Variants in HIVEP1 observed in about 807,000 individuals in gnomAD.
The protein encoded by HIVEP1 is zinc finger protein 40.
HIVEP1 carries 36 observed loss-of-function variants against 180.0 expected under a neutral mutation model. The observed-to-expected ratio is 0.20, with a 90% CI of 0.15 to 0.26. The LOEUF is 0.26. Ranked by LOEUF, HIVEP1 falls within the 10% of genes least tolerant of loss-of-function variation. HIVEP1 has a pLI of 1.00. For missense variants in HIVEP1, 3,143 were observed against 3,268.7 expected, an observed-to-expected ratio of 0.96 and a Z score of 0.94; for synonymous variants, 1,239 against 1,239.0, an observed-to-expected ratio of 1.00 and a Z score of 0.00.
the HIVEP1 span, among the ~76,000 whole-genome samples, chr6:12,201,599 G>A: frequency 1.3e-5 from 2 of 152,108 alleles, no homozygotes; most frequent in Non-Finnish European, 2.9e-5. Context: ...TTACAATTTC[G>A]GCTTTCACCA....
Position 12,052,966 on chromosome 6 carries a change from C to T in HIVEP1, c.41-36218C>T, listed in dbSNP as rs193153245. ...CAGAAAGTAATTTCTTGGGGTTGGG[C>T]GGGGATTCTCATCACAGTTTTTAAA... On this transcript the variant is annotated intron_variant, in intron 2 of 8. Coordinates refer to ENST00000379388, the MANE Select transcript of HIVEP1 (RefSeq NM_002114.4). Among the ~76,000 whole-genome samples, 128 of 152,114 alleles carry T rather than the reference C, an allele frequency of 8.4e-4. 1 individual carries two copies. The highest frequency in any genetic ancestry group is 1.9e-3 in the East Asian group (10 of 5,180).
chr6:12,016,598 C>A (rs1767766284), intron 2 of HIVEP1, among the ~76,000 whole-genome samples: 1 of 152,112 alleles, frequency 6.6e-6, no homozygotes, highest in African/African-American at 2.4e-5. Context: ...AATTTTATGG[C>A]CTCCGTGAAT....
the HIVEP1 span, among the ~76,000 whole-genome samples, chr6:12,205,363 T>C: frequency 8.6e-5 from 13 of 151,576 alleles, no homozygotes; most frequent in Non-Finnish European, 1.3e-4. Flanking sequence ...CCCAGCTACT[T>C]GGGAGGCTGA....
intron 7 of HIVEP1, among the ~76,000 whole-genome samples, chr6:12,159,248 C>T (rs1253220885): frequency 1.3e-5 from 2 of 151,934 alleles, no homozygotes; most frequent in Middle Eastern, 3.2e-3. Context: ...GTGTGTTTAA[C>T]GTAAACAGGT....
upstream of HIVEP1, among the ~76,000 whole-genome samples, chr6:12,011,627 C>T (rs2113541123): frequency 1.3e-5 from 2 of 148,778 alleles, no homozygotes; most frequent in African/African-American, 4.9e-5. Flanking sequence ...GTCCCTGCGG[C>T]GGCTCGGCCG....
chr6:12,123,126 A>G lies in HIVEP1; in HGVS notation c.3331A>G (p.Ile1111Val), dbSNP rs796317105. ...EQTMDPKLST[I>V]MEQQISSAAQ... Reference sequence around the variant, plus strand: ...GACCATGGATCCCAAGCTGTCGACCATCATGGAACAACAGATAAGTTCAGC... The same window carrying G: ...GACCATGGATCCCAAGCTGTCGACCGTCATGGAACAACAGATAAGTTCAGC... Residue 1111 changes from isoleucine to valine, a missense_variant, in exon 4 of 9, where the codon ATC (isoleucine) becomes GTC (valine). Ile to Val is a conservative substitution (Grantham distance 29). This residue lies in a region of HIVEP1 where 1,357 missense variants were observed against 1,260.5 expected (regional missense o/e 1.08). Coordinates refer to ENST00000379388, the MANE Select transcript of HIVEP1 (RefSeq NM_002114.4). 2 of 1,614,186 alleles carry G rather than the reference A, an allele frequency of 1.2e-6. No homozygotes were observed. The highest frequency in any genetic ancestry group is 1.1e-5 in the South Asian group (1 of 91,080).
At chr6:12,118,178 A>G (rs921171450) in intron 3 of HIVEP1, among the ~76,000 whole-genome samples, 1 of 151,378 alleles carries the variant, frequency 6.6e-6, no homozygotes, top group Non-Finnish European at 1.5e-5. Flanking sequence ...TATATCTTTA[A>G]TGGAATAGTA....
At chr6:12,154,272 C>G (rs1393767724) in intron 7 of HIVEP1, among the ~76,000 whole-genome samples, 1 of 152,220 alleles carries the variant, frequency 6.6e-6, no homozygotes, top group Non-Finnish European at 1.5e-5. Context: ...TATAAATAAA[C>G]TAGTTTCAGA....
chr6:12,018,034 A>G (rs1274850656), intron 2 of HIVEP1, among the ~76,000 whole-genome samples: 1 of 152,232 alleles, frequency 6.6e-6, no homozygotes, highest in East Asian at 1.9e-4. Context: ...GTGCTTAGGC[A>G]TGGCGGGCTG....
chr6:12,095,415 A>C (rs1773726310), intron 3 of HIVEP1, among the ~76,000 whole-genome samples: 1 of 151,836 alleles, frequency 6.6e-6, no homozygotes. Context: ...TGTATCATAC[A>C]CAATTTTATA....
chr6:12,120,607 A>C lies in HIVEP1; in HGVS notation c.812A>C (p.Lys271Thr). The C allele has an allele frequency of 1.9e-6, 3 of 1,614,054 alleles. No homozygotes were observed. Among genetic ancestry groups the C allele is most frequent in the South Asian group, 2.2e-5 (2 of 91,086 alleles). The part of the protein sequence containing the change: ...SYTVHMSAAQ[K>T]NEQGAMQSAS... The stretch of plus-strand genomic sequence containing the variant: ...ACAGTCCATATGTCTGCTGCTCAGA[A>C]GAATGAGCAAGGGGCAATGCAGTCA... Residue 271 changes from lysine (K) to threonine (T), a missense_variant, in exon 4 of 9, where the codon AAG becomes ACG. This residue lies in a region of HIVEP1 where 306 missense variants were observed against 310.6 expected (regional missense o/e 0.99). Transcript: ENST00000379388.
intron 3 of HIVEP1, among the ~76,000 whole-genome samples, chr6:12,109,104 C>G (rs370286553): frequency 1.3e-5 from 2 of 152,200 alleles, no homozygotes; most frequent in African/African-American, 2.4e-5. Flanking sequence ...CTCAGCCTCC[C>G]GAGTACCTGG....
At chr6:12,011,591 G>T (rs1229967775), upstream of HIVEP1, among the ~76,000 whole-genome samples, 2 of 144,968 alleles carry the variant, frequency 1.4e-5, no homozygotes, top group South Asian at 2.2e-4. Flanking sequence ...GGGCTGCGCT[G>T]CCACCTCCTC....
the HIVEP1 span, among the ~76,000 whole-genome samples, chr6:12,196,954 A>T: frequency 6.6e-6 from 1 of 152,226 alleles, no homozygotes; most frequent in Non-Finnish European, 1.5e-5. Context: ...GGAATAAAAA[A>T]TGTATAAAGA....
chr6:12,051,150 A>G (rs1314373791), intron 2 of HIVEP1, among the ~76,000 whole-genome samples: 1 of 151,276 alleles, frequency 6.6e-6, no homozygotes, highest in Non-Finnish European at 1.5e-5. Context: ...AGAATTACTT[A>G]CTTGCTTTGA....
chr6:12,015,739 G>T (rs1298044931), intron 2 of HIVEP1, 71 bp downstream of exon 2: 1 of 1,408,562 alleles, frequency 7.1e-7, no homozygotes, highest in African/African-American at 1.4e-5. Flanking sequence ...TTGGTGACAG[G>T]AATGGCCGTT....
chr6:12,073,545 C>T (rs923111336), intron 2 of HIVEP1, among the ~76,000 whole-genome samples: 1 of 152,116 alleles, frequency 6.6e-6, no homozygotes, highest in Non-Finnish European at 1.5e-5. Flanking sequence ...GGGGACTGGC[C>T]GTTGCCCTGG....
At chr6:12,079,933 CATCT>C (rs60204350) in intron 2 of HIVEP1, among the ~76,000 whole-genome samples, 18,764 of 149,154 alleles carry the variant, frequency 0.13, 1,283 homozygotes, top group African/African-American at 0.19. Flanking sequence ...TTCCTGATGG[CATCT>C]ATCTATCTAT....
Position 12,120,413 on chromosome 6 carries a change from A to C in HIVEP1, c.618A>C (p.Glu206Asp). Reference sequence around the variant, plus strand: ...TCTTACTGAAAGCAATGGAGCCAGAACTGAGCACCTTGTCACAAAAGGGCT... The same window carrying C: ...TCTTACTGAAAGCAATGGAGCCAGACCTGAGCACCTTGTCACAAAAGGGCT... ...FDVLLKAMEP[E>D]LSTLSQKGSP... is the part of the protein sequence containing the mutation. Residue 206 changes from glutamate (E) to aspartate (D), a missense_variant, in exon 4 of 9, where the codon GAA (glutamate) becomes GAC (aspartate). Glu to Asp is a conservative substitution (Grantham distance 45, BLOSUM62 2). Around this residue, in one of 12 missense-constraint regions of HIVEP1, gnomAD observed 306 missense variants for 310.6 expected, o/e 0.99. Transcript: ENST00000379388. 6.2e-7 allele frequency: 1 copy of C among 1,614,224 alleles called. No individual in the cohort carries two copies. The highest frequency in any genetic ancestry group is 8.5e-7 in the Non-Finnish European group (1 of 1,180,038).
Sources: gnomAD v4.1 joint callset for allele counts (sites outside exome capture counted in the v4.1 genomes callset) on GRCh38, gnomAD v4.1.1 for gene constraint, gnomAD v4.1.1 regional missense constraint, MANE v1.5 for transcripts, NCBI Gene and HGNC (gene_info 2026-07-23, HGNC 2026-07-21) for gene names.